NEK11: variants seen among roughly 807,000 people sequenced by gnomAD.
NEK11 encodes the protein serine/threonine-protein kinase Nek11.
In NEK11, 72 loss-of-function variants were observed where a neutral mutation model predicts 80.7. The observed-to-expected ratio is 0.89, with a 90% CI of 0.74 to 1.08. The LOEUF is 1.08. NEK11 is among the 50% of genes least tolerant of loss of function. The probability of loss-of-function intolerance (pLI) is 0.00; values close to 1 mark genes in which losing one functional copy is unlikely to be tolerated. For missense variants in NEK11, 764 were observed against 763.6 expected (o/e 1.00, Z -0.01); for synonymous variants, 251 against 260.7 (o/e 0.96, Z 0.36).
At chr3:131,198,764 G>C (rs2094121987) in intron 14 of NEK11, among the ~76,000 whole-genome samples, 1 of 152,176 alleles carries the variant, frequency 6.6e-6, no homozygotes, top group Admixed American at 6.5e-5. Context: ...CTTAACGCTG[G>C]GGCTTGGGTT....
chr3:131,303,396 C>A (rs532183830), intron 17 of NEK11, among the ~76,000 whole-genome samples: 60 of 152,048 alleles, frequency 3.9e-4, no homozygotes, highest in Non-Finnish European at 7.8e-4. Context: ...ATTATATAGA[C>A]TTGATTGTGT....
At chr3:131,110,270 G>C (rs1433315777) in intron 5 of NEK11, among the ~76,000 whole-genome samples, 1 of 152,080 alleles carries the variant, frequency 6.6e-6, no homozygotes, top group East Asian at 1.9e-4. Context: ...CAGCAGGCTT[G>C]AGTTGTAAAT....
intron 7 of NEK11, among the ~76,000 whole-genome samples, chr3:131,151,122 G>A (rs1413982504): frequency 6.6e-6 from 1 of 151,914 alleles, no homozygotes; most frequent in Non-Finnish European, 1.5e-5. Flanking sequence ...ATTCTTTAAT[G>A]GAAACAGTCT....
chr3:131,169,003 G>A, intron 13 of NEK11, 66 bp downstream of exon 13: 2 of 1,267,648 alleles, frequency 1.6e-6, no homozygotes, highest in Non-Finnish European at 2.2e-6. Context: ...AGAACAAAGG[G>A]GAAAGAAAAT....
At chr3:131,229,916 T>G (rs2095296221) in intron 15 of NEK11, among the ~76,000 whole-genome samples, 1 of 152,126 alleles carries the variant, frequency 6.6e-6, no homozygotes, top group Non-Finnish European at 1.5e-5. Flanking sequence ...AAAACTTAGC[T>G]TATACCGTTT....
At chr3:131,346,412 G>A (rs766227014) in intron 17 of NEK11, among the ~76,000 whole-genome samples, 5 of 152,250 alleles carry the variant, frequency 3.3e-5, no homozygotes, top group South Asian at 2.1e-4. Context: ...GGGGAAACAC[G>A]GTAAGATTGC....
chr3:131,241,437 C>T (rs2095518018), intron 15 of NEK11, among the ~76,000 whole-genome samples: 2 of 152,050 alleles, frequency 1.3e-5, no homozygotes, highest in Non-Finnish European at 1.5e-5. Context: ...TAAAATTATG[C>T]TTCTGAAGAA....
At chr3:131,277,739 G>T (rs1044133510) in intron 17 of NEK11, among the ~76,000 whole-genome samples, 2 of 152,206 alleles carry the variant, frequency 1.3e-5, no homozygotes, top group Non-Finnish European at 2.9e-5. Context: ...AAGCTGCTGG[G>T]ATTTATATCC....
chr3:131,332,323 C>T (rs1432229639), intron 17 of NEK11, among the ~76,000 whole-genome samples: 1 of 152,232 alleles, frequency 6.6e-6, no homozygotes, highest in Admixed American at 6.5e-5. Flanking sequence ...ATCCGCTGTT[C>T]TGCAGCCACC....
At chr3:131,220,873 G>T (rs1580418601) in intron 14 of NEK11, among the ~76,000 whole-genome samples, 1 of 152,178 alleles carries the variant, frequency 6.6e-6, no homozygotes, top group South Asian at 2.1e-4. Flanking sequence ...ACTTGACTGA[G>T]TGGGCCTGCA....
intron 5 of NEK11, among the ~76,000 whole-genome samples, chr3:131,118,669 A>C (rs540440108): frequency 6.6e-6 from 1 of 152,316 alleles, no homozygotes; most frequent in African/African-American, 2.4e-5. Flanking sequence ...TAGTCTATTC[A>C]GGGATTCAAC....
chr3:131,087,773 A>T (rs1578079167), intron 4 of NEK11, among the ~76,000 whole-genome samples: 1 of 152,218 alleles, frequency 6.6e-6, no homozygotes, highest in Non-Finnish European at 1.5e-5. Flanking sequence ...CAGGCTTACT[A>T]GTTCTCAGAG....
intron 14 of NEK11, among the ~76,000 whole-genome samples, chr3:131,202,121 G>T (rs554025123): frequency 5.3e-5 from 8 of 152,188 alleles, no homozygotes; most frequent in African/African-American, 1.9e-4. Context: ...TGAGCCAAGG[G>T]TCCATTCCAA....
intron 17 of NEK11, among the ~76,000 whole-genome samples, chr3:131,346,226 G>A (rs1476641385): frequency 6.6e-6 from 1 of 152,204 alleles, no homozygotes; most frequent in Non-Finnish European, 1.5e-5. Flanking sequence ...TGAGGTCATA[G>A]ATATATTAAT....
chr3:131,297,715 G>T (rs1223573898), intron 17 of NEK11, among the ~76,000 whole-genome samples: 1 of 150,980 alleles, frequency 6.6e-6, no homozygotes, highest in African/African-American at 2.5e-5. Flanking sequence ...TGCTTTTGGT[G>T]TTTTAGACAT....
At chr3:131,106,452 T>A (rs2079196793) in intron 4 of NEK11, among the ~76,000 whole-genome samples, 1 of 152,164 alleles carries the variant, frequency 6.6e-6, no homozygotes, top group Non-Finnish European at 1.5e-5. Flanking sequence ...GCCATCACCT[T>A]AAGTTATTTT....
In NEK11 at chr3:131,337,841, G is replaced by A. The variant is rs546041727; in HGVS notation, c.1719-11716G>A. 1.6e-4 allele frequency among the ~76,000 whole-genome samples: 24 copies of A among 152,236 alleles called. No individual in the cohort carries two copies. In the South Asian group the frequency reaches 4.8e-3, roughly 30 times the overall value. The stretch of plus-strand genomic sequence containing the variant: ...TTAGTGGTTAAGATACTTAACATCT[G>A]TGCCTCAGTTTCTTCAACTGTGAAA... On this transcript the variant is annotated intron_variant, in intron 17 of 17. Coordinates refer to ENST00000383366, the MANE Select transcript of NEK11 (RefSeq NM_024800.5).
At chr3:131,066,327 G>A (rs2071940828) in intron 3 of NEK11, among the ~76,000 whole-genome samples, 1 of 152,154 alleles carries the variant, frequency 6.6e-6, no homozygotes. Flanking sequence ...GAAAAATACT[G>A]CTCATAAAAA....
chr3:131,299,982 T>C (rs1395343764), intron 17 of NEK11, among the ~76,000 whole-genome samples: 1 of 152,250 alleles, frequency 6.6e-6, no homozygotes. Context: ...TGAACTAATT[T>C]ACATTCCCAC....
Sources: allele counts gnomAD v4.1 joint callset (sites outside exome capture counted in the v4.1 genomes callset), GRCh38; gene constraint gnomAD v4.1.1; transcripts MANE v1.5; gene names NCBI Gene and HGNC (gene_info 2026-07-23, HGNC 2026-07-21).